PTPRN2: variants seen among roughly 807,000 people sequenced by gnomAD.
PTPRN2 encodes receptor-type tyrosine-protein phosphatase N2.
A neutral mutation model predicts 118.8 loss-of-function variants in PTPRN2; 74 were observed. The observed-to-expected ratio is 0.62, with a 90% confidence interval of 0.52 to 0.76. The LOEUF is 0.76. Ranked by LOEUF, PTPRN2 falls within the 30% of genes least tolerant of loss-of-function variation. The pLI is 0.00. For missense variants in PTPRN2, 1,481 were observed against 1,394.4 expected (o/e 1.06, Z -0.99); for synonymous variants, 641 against 608.0 (o/e 1.05, Z -0.80).
chr7:158,488,733 C>T lies in PTPRN2; in HGVS notation c.163+1002G>A, dbSNP rs539103191. Among the ~76,000 whole-genome samples, 3 of 152,378 alleles carry T rather than the reference C, an allele frequency of 2.0e-5. No homozygotes were observed. The South Asian group carries it at 6.2e-4, about 32-fold the overall frequency. Reference sequence around the variant, plus strand: ...TTAGTGGGTGCGAGGGGCCTCTGGGCAGGCCCCGCCATCCTCGCTAGGATT... The same window carrying T: ...TTAGTGGGTGCGAGGGGCCTCTGGGTAGGCCCCGCCATCCTCGCTAGGATT... On this transcript the variant is annotated intron_variant, in intron 2 of 22. Coordinates refer to ENST00000389418, the MANE Select transcript of PTPRN2 (RefSeq NM_002847.5).
chr7:158,178,046 T>C (rs1824369031), intron 5 of PTPRN2, among the ~76,000 whole-genome samples: 2 of 152,186 alleles, frequency 1.3e-5, no homozygotes, highest in African/African-American at 4.8e-5. Flanking sequence ...TTGTATTTTG[T>C]TTTTTTAAAT....
intron 12 of PTPRN2, among the ~76,000 whole-genome samples, chr7:157,841,184 C>A (rs1343364475): frequency 6.6e-6 from 1 of 152,236 alleles, no homozygotes; most frequent in Non-Finnish European, 1.5e-5. Flanking sequence ...ACGATGGCAG[C>A]AAGGGCAGCT....
intron 12 of PTPRN2, among the ~76,000 whole-genome samples, chr7:157,773,593 G>T (rs1444893907): frequency 6.6e-6 from 1 of 152,212 alleles, no homozygotes; most frequent in Non-Finnish European, 1.5e-5. Flanking sequence ...GGGCTGTGGG[G>T]CCAGGCGGCT....
chr7:158,444,833 C>A lies in PTPRN2; in HGVS notation c.163+44902G>T, dbSNP rs1384506725. Among the ~76,000 whole-genome samples the A allele has an allele frequency of 2.0e-5, 3 of 152,320 alleles. No homozygotes were observed. The South Asian group carries it at 6.2e-4, about 32-fold the overall frequency. ...GGCCATTTTTGGGATCCCAAGAAAGCCCCCAGTGTCCCCTCACTGCTGTGC... is the reference window on the plus strand; with the variant it reads ...GGCCATTTTTGGGATCCCAAGAAAGACCCCAGTGTCCCCTCACTGCTGTGC... On this transcript the variant is annotated intron_variant, in intron 2 of 22. Coordinates refer to ENST00000389418, the MANE Select transcript of PTPRN2 (RefSeq NM_002847.5).
intron 12 of PTPRN2, among the ~76,000 whole-genome samples, chr7:157,856,586 G>A (rs1260724071): frequency 2.0e-5 from 3 of 152,190 alleles, no homozygotes; most frequent in African/African-American, 7.2e-5. Context: ...ATTACAAAAT[G>A]TATCACAAAG....
intron 6 of PTPRN2, 117 bp from the exon 7 acceptor site, chr7:158,138,632 G>A: frequency 2.3e-6 from 2 of 879,400 alleles, no homozygotes; most frequent in Middle Eastern, 5.1e-4. Context: ...TGGCCACCTA[G>A]GGCCAGGCGC....
intron 12 of PTPRN2, among the ~76,000 whole-genome samples, chr7:157,821,708 G>A (rs1240433168): frequency 3.3e-5 from 5 of 152,150 alleles, no homozygotes; most frequent in African/African-American, 4.8e-5. Flanking sequence ...ACCTGTGGCC[G>A]GGGCAGAGGC....
Position 157,690,670 on chromosome 7 carries a change from C to T in PTPRN2, c.1789-7733G>A, listed in dbSNP as rs1797432711. Reference sequence around the variant, plus strand: ...GCAGCGCCATCATCACAGCCAGCTGCTTCCCTGCGCTGGAGCCACAGACTA... The same window carrying T: ...GCAGCGCCATCATCACAGCCAGCTGTTTCCCTGCGCTGGAGCCACAGACTA... On this transcript the variant is annotated intron_variant, in intron 12 of 22. Transcript: ENST00000389418. The surrounding 1 kb of genome is among the most constrained non-coding windows in gnomAD (Gnocchi z 7.1). Among the ~76,000 whole-genome samples the T allele has an allele frequency of 6.6e-6, 1 of 151,704 alleles. No individual in the cohort carries two copies. Among genetic ancestry groups the T allele is most frequent in the Admixed American group, 6.6e-5 (1 of 15,228 alleles).
At chr7:158,125,248 T>C (rs1208658636) in intron 9 of PTPRN2, among the ~76,000 whole-genome samples, 3 of 139,124 alleles carry the variant, frequency 2.2e-5, no homozygotes, top group Non-Finnish European at 3.1e-5. Flanking sequence ...CTCGAGTCCC[T>C]CCCAGGGCCA....
intron 9 of PTPRN2, among the ~76,000 whole-genome samples, chr7:158,130,983 CACAT>C (rs1818185621): frequency 6.6e-6 from 1 of 151,008 alleles, no homozygotes; most frequent in African/African-American, 2.4e-5. Flanking sequence ...TACACAAACA[CACAT>C]ATGCAGAAAT....
chr7:157,730,111 T>C (rs1329392293), intron 12 of PTPRN2, among the ~76,000 whole-genome samples: 1 of 151,988 alleles, frequency 6.6e-6, no homozygotes, highest in African/African-American at 2.4e-5. Flanking sequence ...TTTAACCAAG[T>C]AGGGACAGAG....
intron 3 of PTPRN2, among the ~76,000 whole-genome samples, chr7:158,213,161 A>G (rs984023696): frequency 7.9e-5 from 12 of 151,820 alleles, no homozygotes; most frequent in Non-Finnish European, 1.5e-4. Flanking sequence ...TATGCCCTGT[A>G]CAAAAACACA....
At chr7:157,710,125 C>T (rs1009177090) in intron 12 of PTPRN2, among the ~76,000 whole-genome samples, 1 of 152,132 alleles carries the variant, frequency 6.6e-6, no homozygotes, top group Non-Finnish European at 1.5e-5. Context: ...AGGAAGCATC[C>T]ACACAAGGGG....
At chr7:158,024,629 C>T (rs766969552) in intron 11 of PTPRN2, among the ~76,000 whole-genome samples, 1 of 152,184 alleles carries the variant, frequency 6.6e-6, no homozygotes, top group Non-Finnish European at 1.5e-5. Context: ...CAGGATGTGG[C>T]TCCTGACCCC....
intron 11 of PTPRN2, among the ~76,000 whole-genome samples, chr7:158,002,726 G>A (rs892079323): frequency 6.6e-6 from 1 of 152,188 alleles, no homozygotes; most frequent in Non-Finnish European, 1.5e-5. Context: ...GGACGTTTCG[G>A]GCAGGTCAGC....
At chr7:158,170,947 T>C (rs894719790) in intron 5 of PTPRN2, among the ~76,000 whole-genome samples, 1 of 151,170 alleles carries the variant, frequency 6.6e-6, no homozygotes, top group Non-Finnish European at 1.5e-5. Flanking sequence ...ATTACAATTA[T>C]TTACTTTACC....
At chr7:157,670,902 C>T (rs958044511) in intron 13 of PTPRN2, among the ~76,000 whole-genome samples, 13 of 152,104 alleles carry the variant, frequency 8.5e-5, no homozygotes, top group South Asian at 2.1e-4. Context: ...AAGTAGAGAA[C>T]GGGCAGCTGT....
chr7:158,272,878 G>C (rs1373994786), intron 3 of PTPRN2, among the ~76,000 whole-genome samples: 2 of 152,232 alleles, frequency 1.3e-5, no homozygotes, highest in Admixed American at 1.3e-4. Flanking sequence ...GGAAGCTACA[G>C]TCAATAGCTG....
intron 3 of PTPRN2, among the ~76,000 whole-genome samples, chr7:158,312,108 C>T (rs1409053194): frequency 8.3e-6 from 1 of 120,526 alleles, no homozygotes; most frequent in Admixed American, 7.7e-5. Context: ...CATGTAGACG[C>T]CCACACAAGG....
Sources: gnomAD v4.1 joint callset for allele counts (sites outside exome capture counted in the v4.1 genomes callset) on GRCh38, gnomAD v4.1.1 for gene constraint, Gnocchi (gnomAD v3.1) non-coding constraint, MANE v1.5 for transcripts, NCBI Gene and HGNC (gene_info 2026-07-23, HGNC 2026-07-21) for gene names.